CHRDL1: variants seen among roughly 807,000 people sequenced by gnomAD.
CHRDL1 encodes chordin-like protein 1.
Under a neutral mutation model 40.9 loss-of-function variants are expected in CHRDL1, and 19 were observed. The observed-to-expected ratio is 0.46, with a 90% CI of 0.32 to 0.68. CHRDL1 has a LOEUF of 0.68. CHRDL1 is among the 30% of genes least tolerant of loss of function. The probability of loss-of-function intolerance (pLI) is 0.03; values close to 1 mark genes in which losing one functional copy is unlikely to be tolerated. For missense variants in CHRDL1, 329 were observed against 352.1 expected (o/e 0.93, Z 0.53); for synonymous variants, 136 against 123.4 (o/e 1.10, Z -0.68).
intron 6 of CHRDL1, among the ~76,000 whole-genome samples, chrX:110,705,314 C>CAT (rs1234464680): frequency 4.1e-5 from 3 of 73,496 alleles, no homozygotes; most frequent in Non-Finnish European, 7.4e-5. Flanking sequence ...TACACACACA[C>CAT]ATATATATAT....
rs1218774630 is a variant in CHRDL1 at position 110,748,814 on chromosome X, T to TCATA, written c.301+10846_301+10847insTATG. On this transcript the variant is annotated intron_variant, in intron 4 of 11. Transcript: ENST00000372042. The stretch of plus-strand genomic sequence containing the variant: ...ATTCATAGAGACAGGAAGTAGAAAG[T>TCATA]GAGGAGTTAGTGTTTAATGGGTATA... Among the ~76,000 whole-genome samples the TCATA allele has an allele frequency of 4.9e-3, 552 of 111,956 alleles. 2 individuals carry two copies. The highest frequency in any genetic ancestry group is 7.7e-3 in the Non-Finnish European group (409 of 53,136).
chrX:110,756,943 G>A (rs1328682017), intron 4 of CHRDL1, among the ~76,000 whole-genome samples: 3 of 111,866 alleles, frequency 2.7e-5, no homozygotes, highest in Non-Finnish European at 5.6e-5. Context: ...TTATAAATTA[G>A]CATCATGTAG....
intron 10 of CHRDL1, among the ~76,000 whole-genome samples, chrX:110,680,074 C>A (rs1462880847): frequency 8.9e-6 from 1 of 112,032 alleles, no homozygotes; most frequent in African/African-American, 3.2e-5. Context: ...GAAGGAGCAA[C>A]ATATTACCAG....
At chrX:110,677,973 C>T (rs747186298) in intron 11 of CHRDL1, among the ~76,000 whole-genome samples, 4 of 111,586 alleles carry the variant, frequency 3.6e-5, no homozygotes, top group African/African-American at 1.3e-4. Context: ...ATGTTTCTCA[C>T]AGTGACGTCT....
chrX:110,747,211 G>C (rs777590124), intron 4 of CHRDL1, among the ~76,000 whole-genome samples: 6 of 110,536 alleles, frequency 5.4e-5, no homozygotes, highest in Non-Finnish European at 9.5e-5. Context: ...TAAAATCCTG[G>C]AGCCAGATGG....
intron 3 of CHRDL1, among the ~76,000 whole-genome samples, chrX:110,762,135 A>C: frequency 8.9e-6 from 1 of 112,469 alleles, no homozygotes; most frequent in East Asian, 2.8e-4. Context: ...TGCCTTCTCT[A>C]ACCATGCCCT....
At chrX:110,741,598 T>C (rs1350915686) in intron 4 of CHRDL1, among the ~76,000 whole-genome samples, 1 of 111,108 alleles carries the variant, frequency 9.0e-6, no homozygotes, top group African/African-American at 3.3e-5. Context: ...GGCTGCCCTC[T>C]GGGGGTGGGG....
intron 4 of CHRDL1, among the ~76,000 whole-genome samples, chrX:110,730,036 T>A (rs745313395): frequency 2.7e-5 from 3 of 111,997 alleles, no homozygotes; most frequent in Non-Finnish European, 3.8e-5. Context: ...GATGTGGGGC[T>A]ACTTAACCCT....
In CHRDL1 at chrX:110,688,589, C is replaced by G. The variant is rs369229430; in HGVS notation, c.988+5G>C. ...AACCAAAAGCAGGGCCTCCAACCAACGCACCTTTTGCTTTTTTACCTGGAC... is the reference window on the plus strand; with the variant it reads ...AACCAAAAGCAGGGCCTCCAACCAAGGCACCTTTTGCTTTTTTACCTGGAC... On this transcript the variant is annotated splice_donor_5th_base_variant and intron_variant, in intron 9 of 11. Coordinates refer to ENST00000372042, the MANE Select transcript of CHRDL1 (RefSeq NM_001143981.2). 1 of 1,197,906 alleles carries G rather than the reference C, an allele frequency of 8.3e-7. No homozygotes were observed. Among genetic ancestry groups the G allele is most frequent in the African/African-American group, 1.8e-5 (1 of 56,637 alleles).
intron 4 of CHRDL1, among the ~76,000 whole-genome samples, chrX:110,742,792 C>T (rs748176725): frequency 2.1e-4 from 23 of 111,542 alleles, no homozygotes; most frequent in Non-Finnish European, 3.2e-4. Context: ...CAGAGTCTTT[C>T]GCAGTCTCCC....
intron 6 of CHRDL1, among the ~76,000 whole-genome samples, chrX:110,713,001 G>A: frequency 9.0e-6 from 1 of 111,458 alleles, no homozygotes; most frequent in Non-Finnish European, 1.9e-5. Context: ...GGGATCAGAA[G>A]TTGGGGATCC....
chrX:110,723,369 G>T (rs755313182), intron 4 of CHRDL1, among the ~76,000 whole-genome samples: 2 of 111,684 alleles, frequency 1.8e-5, no homozygotes, highest in Non-Finnish European at 3.8e-5. Context: ...AATAATACAC[G>T]AATAGATACC....
At chrX:110,680,005 C>A (rs1287241024) in intron 10 of CHRDL1, among the ~76,000 whole-genome samples, 1 of 111,953 alleles carries the variant, frequency 8.9e-6, no homozygotes, top group Admixed American at 9.5e-5. Flanking sequence ...ACAGTCTCAA[C>A]CTTGCCTGAA....
intron 2 of CHRDL1, among the ~76,000 whole-genome samples, chrX:110,766,537 G>C (rs923034960): frequency 9.0e-6 from 1 of 111,252 alleles, no homozygotes; most frequent in African/African-American, 3.3e-5. Context: ...AAATACGAAA[G>C]ATCATTCAAG....
chrX:110,776,146 A>C (rs1309942326), intron 2 of CHRDL1, among the ~76,000 whole-genome samples: 1 of 112,254 alleles, frequency 8.9e-6, no homozygotes, highest in Non-Finnish European at 1.9e-5. Flanking sequence ...ATTAAGAAAA[A>C]GAAAAATATT....
chrX:110,773,787 T>C (rs1031359022), intron 2 of CHRDL1, among the ~76,000 whole-genome samples: 1 of 109,324 alleles, frequency 9.1e-6, no homozygotes, highest in African/African-American at 3.3e-5. Context: ...CTAAGGTATG[T>C]TTTATGACCC....
At chrX:110,765,206 G>C (rs1407493717) in intron 2 of CHRDL1, among the ~76,000 whole-genome samples, 1 of 111,194 alleles carries the variant, frequency 9.0e-6, no homozygotes, top group African/African-American at 3.3e-5. Context: ...AATAAAACTT[G>C]CTGGTTTTGT....
intron 2 of CHRDL1, among the ~76,000 whole-genome samples, chrX:110,774,171 T>C (rs2089806826): frequency 8.9e-6 from 1 of 112,178 alleles, no homozygotes; most frequent in Non-Finnish European, 1.9e-5. Flanking sequence ...CTTCTTTGTC[T>C]GAAATTAATA....
intron 1 of CHRDL1, 59 bp from the exon 2 acceptor site, chrX:110,792,274 C>A: frequency 2.0e-6 from 1 of 488,857 alleles, no homozygotes; most frequent in Admixed American, 3.8e-5. Context: ...TGATAGAGGT[C>A]ACTGATGCTC....
Sources: allele counts gnomAD v4.1 joint callset (sites outside exome capture counted in the v4.1 genomes callset), GRCh38; gene constraint gnomAD v4.1.1; transcripts MANE v1.5; gene names NCBI Gene and HGNC (gene_info 2026-07-23, HGNC 2026-07-21).